DYSF: variants seen among roughly 807,000 people sequenced by gnomAD.
The protein encoded by DYSF is dysferlin.
In DYSF, 212 loss-of-function variants were observed where a neutral mutation model predicts 274.9. The ratio of observed to expected loss-of-function variants is 0.77; its 90% CI spans 0.69 to 0.86. The LOEUF (loss-of-function observed/expected upper bound fraction) is 0.86, where lower values mean the gene tolerates loss of function less well. DYSF is among the 40% of genes least tolerant of loss of function. DYSF has a pLI of 0.00. For synonymous variants in DYSF, 1,091 were observed against 1,078.7 expected (o/e 1.01, Z -0.22); for missense variants, 2,666 against 2,783.2 (o/e 0.96, Z 0.95).
In DYSF at chr2:71,659,714, GCCT is replaced by G. The variant is rs2094842729; in HGVS notation, c.4911+682_4911+684del. ...CGTGAGCTGTCTCCCTCTAGTCATTGCCTGAGATGGAGAGGGGAGATTTGAAGG... is the reference window on the plus strand; with the variant it reads ...CGTGAGCTGTCTCCCTCTAGTCATTGGAGATGGAGAGGGGAGATTTGAAGG... On this transcript the variant is annotated intron_variant, in intron 44 of 55. Coordinates refer to ENST00000410020, the MANE Select transcript of DYSF (RefSeq NM_001130987.2). Among the ~76,000 whole-genome samples the G allele has an allele frequency of 2.0e-5, 3 of 152,356 alleles. No homozygotes were observed. The East Asian group carries it at 5.8e-4, about 29-fold the overall frequency.
At chr2:71,491,851 G>A (rs1456773746) in intron 3 of DYSF, among the ~76,000 whole-genome samples, 1 of 152,026 alleles carries the variant, frequency 6.6e-6, no homozygotes, top group Non-Finnish European at 1.5e-5. Flanking sequence ...CTTTACTATT[G>A]TGAATAGTGC....
intron 3 of DYSF, among the ~76,000 whole-genome samples, chr2:71,490,687 A>G (rs2083775653): frequency 6.6e-6 from 1 of 152,264 alleles, no homozygotes; most frequent in Admixed American, 6.5e-5. Context: ...ATACACATGC[A>G]TACTCATTTA....
chr2:71,647,979 T>A (rs545547071), intron 42 of DYSF, among the ~76,000 whole-genome samples: 13 of 152,252 alleles, frequency 8.5e-5, no homozygotes, highest in Non-Finnish European at 1.9e-4. Flanking sequence ...GAAGCAGAGG[T>A]GGAGCTACAC....
intron 29 of DYSF, among the ~76,000 whole-genome samples, 163 bp from the exon 30 acceptor site, chr2:71,574,035 C>G (rs901980032): frequency 2.6e-5 from 4 of 152,136 alleles, no homozygotes; most frequent in Non-Finnish European, 5.9e-5. Flanking sequence ...GCAGAAAGCC[C>G]CTCTCCTCTA....
At chr2:71,528,171 C>T (rs541332635) in intron 13 of DYSF, 127 bp from the exon 14 acceptor site, 46 of 824,804 alleles carry the variant, frequency 5.6e-5, no homozygotes, top group Admixed American at 3.0e-4. Flanking sequence ...GGGCTGAGTC[C>T]CTGTGTGAAG....
rs1035308803 is a variant in DYSF, at chr2:71,502,125, A to T, written c.240-1089A>T. ...TGTGTGTGTGTGTGTGTGTGTGTTT[A>T]TAATAGCCATCCTAATGGATGTGAA... On this transcript the variant is annotated intron_variant, in intron 3 of 55. Coordinates refer to ENST00000410020, the MANE Select transcript of DYSF (RefSeq NM_001130987.2). Among the ~76,000 whole-genome samples the T allele has an allele frequency of 2.1e-5, 3 of 143,464 alleles. No homozygotes were observed. In the South Asian group the frequency reaches 6.5e-4, roughly 31 times the overall value. The allele number at this position is 143,464 out of a possible 152,430, so 94.1% of individuals were successfully genotyped here.
intron 4 of DYSF, among the ~76,000 whole-genome samples, chr2:71,510,025 G>T (rs2085919513): frequency 6.6e-6 from 1 of 152,198 alleles, no homozygotes; most frequent in Admixed American, 6.5e-5. Context: ...AGATCCGCCT[G>T]GCTCGGCCTC....
At chr2:71,513,452 G>A in intron 6 of DYSF, 120 bp downstream of exon 6, 1 of 1,098,262 alleles carries the variant, frequency 9.1e-7, no homozygotes, top group Non-Finnish European at 1.3e-6. Flanking sequence ...GCAGGACTTG[G>A]CGGGTGGGAG....
At chr2:71,551,777 G>GTCCCA in intron 19 of DYSF, 57 bp downstream of exon 19, 3 of 1,416,156 alleles carry the variant, frequency 2.1e-6, no homozygotes, top group Non-Finnish European at 2.9e-6. Flanking sequence ...GGGATGGCCA[G>GTCCCA]GCTGGGACTG....
rs749619435 is a variant in DYSF at position 71,682,610 on chromosome 2, CCATCATCCTCTT to C, written c.6271_6282del (p.Ile2091_Ile2094del). ...ATCCTGTGGCGGCGTTTCCGGTGGGCCATCATCCTCTTCATCATCCTCTTCATCCTGCTGCTG... is the reference window on the plus strand; with the variant it reads ...ATCCTGTGGCGGCGTTTCCGGTGGGCCATCATCCTCTTCATCCTGCTGCTG... On this transcript the variant is annotated inframe_deletion, in exon 55 of 56. Coordinates refer to ENST00000410020, the MANE Select transcript of DYSF (RefSeq NM_001130987.2). 8.4e-5 allele frequency: 135 copies of C among 1,614,038 alleles called. No homozygotes were observed. The highest frequency in any genetic ancestry group is 1.1e-4 in the Non-Finnish European group (126 of 1,180,038).
intron 24 of DYSF, among the ~76,000 whole-genome samples, chr2:71,566,502 T>G (rs1308600452): frequency 6.6e-6 from 1 of 152,116 alleles, no homozygotes; most frequent in Non-Finnish European, 1.5e-5. Context: ...GTTTCTTAAC[T>G]TAAACCAAAG....
At chr2:71,635,577 A>G (rs1429959900) in intron 41 of DYSF, among the ~76,000 whole-genome samples, 2 of 151,970 alleles carry the variant, frequency 1.3e-5, no homozygotes, top group Admixed American at 6.6e-5. Context: ...GTGAAACCCC[A>G]TCTCTACTAA....
intron 10 of DYSF, among the ~76,000 whole-genome samples, chr2:71,518,206 G>A (rs150648837): frequency 7.2e-5 from 11 of 151,886 alleles, no homozygotes; most frequent in African/African-American, 2.4e-4. Context: ...AACAGATTAC[G>A]TAAAGTAAAG....
At chr2:71,571,563 TCACACCCAC>T (rs2152817907) in intron 29 of DYSF, among the ~76,000 whole-genome samples, 2 of 102,634 alleles carry the variant, frequency 1.9e-5, no homozygotes, top group African/African-American at 4.1e-5. Flanking sequence ...CACGCACAGA[TCACACCCAC>T]CACACACAGA....
Position 71,543,808 on chromosome 2 carries a change from G to A in DYSF, c.1576+4569G>A, listed in dbSNP as rs547709851. 1.3e-4 allele frequency among the ~76,000 whole-genome samples: 20 copies of A among 152,144 alleles called. No individual in the cohort carries two copies. In the East Asian group the frequency reaches 1.6e-3, roughly 12 times the overall value. On this transcript the variant is annotated intron_variant, in intron 17 of 55. Transcript: ENST00000410020. ...GGAGGTTGCAGTGAGCAGAGATGGC[G>A]GCAGTACAGTCCAGCTTCGGCTCGG... is the stretch of plus-strand genomic sequence containing the variant.
intron 17 of DYSF, among the ~76,000 whole-genome samples, chr2:71,542,135 A>G (rs556128918): frequency 6.6e-6 from 1 of 152,346 alleles, no homozygotes; most frequent in South Asian, 2.1e-4. Flanking sequence ...CAGTCTCCGT[A>G]AAATGGGGCT....
At chr2:71,462,346 G>A (rs189291510), upstream of DYSF, among the ~76,000 whole-genome samples, 588 of 152,308 alleles carry the variant, frequency 3.9e-3, 4 homozygotes, top group Middle Eastern at 0.017. Flanking sequence ...TGGCTACTGG[G>A]GAATGTGGTG....
intron 4 of DYSF, among the ~76,000 whole-genome samples, chr2:71,505,919 G>A (rs1002612662): frequency 3.3e-5 from 5 of 152,180 alleles, no homozygotes; most frequent in African/African-American, 9.7e-5. Context: ...TGTTGGGAGC[G>A]GGGACCTGAG....
At chr2:71,530,637 T>C (rs1404108563) in intron 14 of DYSF, among the ~76,000 whole-genome samples, 4 of 152,142 alleles carry the variant, frequency 2.6e-5, no homozygotes, top group Non-Finnish European at 4.4e-5. Flanking sequence ...AATGACCTTA[T>C]GGTGAAGGAG....
Sources: gnomAD v4.1 joint callset for allele counts (sites outside exome capture counted in the v4.1 genomes callset) on GRCh38, gnomAD v4.1.1 for gene constraint, MANE v1.5 for transcripts, NCBI Gene and HGNC (gene_info 2026-07-23, HGNC 2026-07-21) for gene names.